DBT: variants seen among roughly 807,000 people sequenced by gnomAD.
DBT encodes the protein dihydrolipoamide branched chain transacylase E2.
Under a neutral mutation model 51.3 loss-of-function variants are expected in DBT, and 40 were observed. That is an observed-to-expected ratio of 0.78 (90% confidence interval 0.61 to 1.02). The LOEUF (loss-of-function observed/expected upper bound fraction) is 1.02, where lower values mean the gene tolerates loss of function less well. Ranked by LOEUF, DBT falls within the 50% of genes least tolerant of loss-of-function variation. The pLI, the probability that DBT is intolerant of heterozygous loss-of-function variation, is 0.00. For synonymous variants in DBT, 181 were observed against 190.4 expected (o/e 0.95, Z 0.41); for missense variants, 510 against 580.2 (o/e 0.88, Z 1.24).
rs1662642876 is a variant in DBT at position 100,218,758 on chromosome 1, G to A, written c.434-11C>T. On this transcript the variant is annotated splice_polypyrimidine_tract_variant and intron_variant, in intron 4 of 10. Transcript: ENST00000370132. Reference sequence around the variant, plus strand: ...CATCTTCTTCTGAATCTGGTAACAAGGTAAAACTTAACTTCAGTTGAAAAA... The same window carrying A: ...CATCTTCTTCTGAATCTGGTAACAAAGTAAAACTTAACTTCAGTTGAAAAA... 1.2e-6 allele frequency: 2 copies of A among 1,612,162 alleles called. No homozygotes were observed. Among genetic ancestry groups the A allele is most frequent in the Non-Finnish European group, 1.7e-6 (2 of 1,179,236 alleles).
At chr1:100,201,958 A>G (rs183905131) in intron 10 of DBT, among the ~76,000 whole-genome samples, 1 of 152,326 alleles carries the variant, frequency 6.6e-6, no homozygotes, top group Non-Finnish European at 1.5e-5. Flanking sequence ...AGCAACCCAA[A>G]ATGTAAAGAC....
At chr1:100,200,855 A>C (rs941907844) in intron 10 of DBT, among the ~76,000 whole-genome samples, 4 of 152,216 alleles carry the variant, frequency 2.6e-5, no homozygotes, top group Admixed American at 6.5e-5. Context: ...AGAAAGGAAT[A>C]GTATCAACAT....
chr1:100,213,504 C>A, intron 7 of DBT: 1 of 1,545,752 alleles, frequency 6.5e-7, no homozygotes, highest in Admixed American at 1.7e-5. Context: ...CCTACCAACT[C>A]TATCGTGGTC....
chr1:100,187,453 C>T lies in DBT; in HGVS notation c.*8802G>A, dbSNP rs2101810733. On this transcript the variant is annotated 3_prime_UTR_variant, in exon 11 of 11. Coordinates refer to ENST00000370132, the MANE Select transcript of DBT (RefSeq NM_001918.5). ...TATACTGAATTTAAAACTTTTTACACACATAATCCTGTGCAAACTATGTAA... is the reference window on the plus strand; with the variant it reads ...TATACTGAATTTAAAACTTTTTACATACATAATCCTGTGCAAACTATGTAA... 1 of 152,310 alleles carries T rather than the reference C, an allele frequency of 6.6e-6. No individual in the cohort carries two copies. Among genetic ancestry groups the T allele is most frequent in the Non-Finnish European group, 1.5e-5 (1 of 68,006 alleles). 9.4% of individuals were successfully genotyped at this position (152,310 alleles called of 1,614,324 possible).
At chr1:100,199,129 C>T (rs1258990675) in intron 10 of DBT, among the ~76,000 whole-genome samples, 1 of 152,170 alleles carries the variant, frequency 6.6e-6, no homozygotes, top group Non-Finnish European at 1.5e-5. Context: ...TTTTTTCAAG[C>T]TCCCGTATGA....
chr1:100,223,368 G>T (rs536691434), intron 4 of DBT, among the ~76,000 whole-genome samples: 1 of 152,118 alleles, frequency 6.6e-6, no homozygotes. Flanking sequence ...AACTGAGTTG[G>T]TTTTAGTTTT....
In DBT at chr1:100,201,532, C is replaced by A. The variant is rs188035597; in HGVS notation, c.1281+4698G>T. ...CGAACTAGCAAGATAGGCCAACATT[C>A]AAATTCAGGAAATACAGAAAACACC... On this transcript the variant is annotated intron_variant, in intron 10 of 10. Transcript: ENST00000370132. 2.7e-3 allele frequency among the ~76,000 whole-genome samples: 408 copies of A among 152,228 alleles called. 1 individual carries two copies. Among genetic ancestry groups the A allele is most frequent in the Non-Finnish European group, 4.4e-3 (301 of 68,022 alleles).
At chr1:100,215,219 C>T (rs1662410342) in intron 6 of DBT, among the ~76,000 whole-genome samples, 1 of 152,122 alleles carries the variant, frequency 6.6e-6, no homozygotes, top group African/African-American at 2.4e-5. Flanking sequence ...CAGGTAACTG[C>T]TTTAAATGCT....
rs960370433 is a variant in DBT, at chr1:100,246,091, G to A, written c.51+3679C>T. Among the ~76,000 whole-genome samples, 5 of 151,874 alleles carry A rather than the reference G, an allele frequency of 3.3e-5. No individual in the cohort carries two copies. In the South Asian group the frequency reaches 6.2e-4, roughly 19 times the overall value. On this transcript the variant is annotated intron_variant, in intron 1 of 10. Transcript: ENST00000370132. ...ATCCTGGCCAACACAGCGAAACCCC[G>A]TCTCTATTAAAAATACAAAAATTAG... is the stretch of plus-strand genomic sequence containing the variant.
intron 2 of DBT, among the ~76,000 whole-genome samples, chr1:100,238,421 CTTTCT>C (rs1164797725): frequency 2.2e-5 from 3 of 137,098 alleles, no homozygotes; most frequent in Admixed American, 7.8e-5. Context: ...TTCTCTTCTT[CTTTCT>C]TTTATTTCCC....
chr1:100,234,924 C>T (rs955137709), intron 3 of DBT, among the ~76,000 whole-genome samples: 2 of 152,148 alleles, frequency 1.3e-5, no homozygotes, highest in African/African-American at 4.8e-5. Flanking sequence ...CTAAAAACCT[C>T]TAAAACTGAG....
intron 2 of DBT, among the ~76,000 whole-genome samples, chr1:100,237,798 A>G (rs1319213514): frequency 6.6e-6 from 1 of 151,900 alleles, no homozygotes; most frequent in Non-Finnish European, 1.5e-5. Flanking sequence ...ACCACACCCA[A>G]GTAATTAAAA....
At chr1:100,248,525 CAA>C (rs1162850642) in intron 1 of DBT, among the ~76,000 whole-genome samples, 3 of 152,002 alleles carry the variant, frequency 2.0e-5, no homozygotes, top group East Asian at 3.9e-4. Context: ...TAACTAAAGC[CAA>C]AGAGTGGATG....
At chr1:100,229,527 T>C (rs1276586900) in intron 4 of DBT, among the ~76,000 whole-genome samples, 7 of 152,176 alleles carry the variant, frequency 4.6e-5, no homozygotes, top group Admixed American at 4.6e-4. Context: ...TTTCACAGAA[T>C]AATAAGTGTA....
chr1:100,210,555 G>C, intron 8 of DBT, 139 bp downstream of exon 8: 1 of 1,160,292 alleles, frequency 8.6e-7, no homozygotes, highest in East Asian at 2.6e-5. Flanking sequence ...TTAGACTTAA[G>C]TTTAATGTTT....
chr1:100,190,709 C>T lies in DBT; in HGVS notation c.*5546G>A, dbSNP rs11166412. 0.79 allele frequency: 120,297 copies of T among 152,008 alleles called. 49,104 individuals carry two copies. The highest frequency in any genetic ancestry group is 0.95 in the East Asian group (4,928 of 5,176). 9.4% of individuals were successfully genotyped at this position (152,008 alleles called of 1,614,324 possible). On this transcript the variant is annotated 3_prime_UTR_variant, in exon 11 of 11. Transcript: ENST00000370132. ...TATTTGCTGATGGAGAACCACTTCT[C>T]GGAAAGAGAAACAAAAAGAAAGTGT...
At position 100,214,933 on chromosome 1, in the gene DBT, G is replaced by A; in HGVS notation, c.823C>T (p.His275Tyr). The A allele has an allele frequency of 1.2e-6, 2 of 1,612,926 alleles. No individual in the cohort carries two copies. The highest frequency in any genetic ancestry group is 1.7e-6 in the Non-Finnish European group (2 of 1,178,974). The change falls in exon 7 of 11, where the codon CAT becomes TAT. Residue 275 changes from histidine (H) to tyrosine (Y), a missense_variant. His to Tyr is a moderately conservative substitution (Grantham distance 83, BLOSUM62 2). Transcript: ENST00000370132. ...TCAATCTCATCACAATAACCAAAAT[G>A]AGGTATCTTCAGGGCTGCAGACATA... ...KTMSAALKIP[H>Y]FGYCDEIDLT...
intron 4 of DBT, among the ~76,000 whole-genome samples, chr1:100,220,500 A>G (rs1468917445): frequency 6.6e-6 from 1 of 152,158 alleles, no homozygotes. Context: ...ATTCCTCTTT[A>G]CTAGTCTATG....
intron 10 of DBT, among the ~76,000 whole-genome samples, chr1:100,204,568 AC>A (rs1235225340): frequency 6.6e-6 from 1 of 152,192 alleles, no homozygotes; most frequent in South Asian, 2.1e-4. Flanking sequence ...CCATCAAGCT[AC>A]CATTGACTTT....
Sources: allele counts gnomAD v4.1 joint callset (sites outside exome capture counted in the v4.1 genomes callset), GRCh38; gene constraint gnomAD v4.1.1; transcripts MANE v1.5; gene names NCBI Gene and HGNC (gene_info 2026-07-23, HGNC 2026-07-21).